CDH23: variants seen among roughly 807,000 people sequenced by gnomAD.
The protein encoded by CDH23 is cadherin related 23.
Under a neutral mutation model 317.1 loss-of-function variants are expected in CDH23, and 189 were observed. The ratio of observed to expected loss-of-function variants is 0.60; its 90% CI spans 0.53 to 0.67. The LOEUF (loss-of-function observed/expected upper bound fraction) is 0.67, where lower values mean the gene tolerates loss of function less well. Ranked by LOEUF, CDH23 falls within the 30% of genes least tolerant of loss-of-function variation. The pLI is 0.00. For missense variants in CDH23, 4,401 were observed against 4,592.4 expected (o/e 0.96, Z 1.20); for synonymous variants, 1,839 against 1,876.8 (o/e 0.98, Z 0.52).
intron 54 of CDH23, 32 bp downstream of exon 54, chr10:71,803,107 C>A (rs1231327795): frequency 2.1e-6 from 3 of 1,461,574 alleles, no homozygotes; most frequent in Non-Finnish European, 2.9e-6. Flanking sequence ...CCCATGATGT[C>A]TTGGGGGGTG....
chr10:71,450,243 A>G (rs1026426955), intron 3 of CDH23, among the ~76,000 whole-genome samples: 2 of 144,238 alleles, frequency 1.4e-5, no homozygotes, highest in East Asian at 4.1e-4. Context: ...GCTGTCTCCC[A>G]CTTAACCTCC....
intron 38 of CDH23, among the ~76,000 whole-genome samples, chr10:71,755,761 G>C (rs1387377942): frequency 6.6e-6 from 1 of 152,156 alleles, no homozygotes; most frequent in Non-Finnish European, 1.5e-5. Flanking sequence ...CAGCCCACAA[G>C]GTACAGCTGG....
rs775888536 is a variant in CDH23, at chr10:71,695,489, G to A, written c.2361G>A (p.Leu787=). The A allele has an allele frequency of 1.2e-6, 2 of 1,613,406 alleles. No individual in the cohort carries two copies. Among genetic ancestry groups the A allele is most frequent in the African/African-American group, 1.3e-5 (1 of 74,924 alleles). ...AGGACGCACCCTACTACATCAACCT[G>A]GTGGAGATGACCCCTCCAGACTCTG... ...TWKDAPYYIN[L]VEMTPPDSDV... The change falls in exon 22 of 70, where the codon CTG becomes CTA. Residue 787 remains leucine, a synonymous_variant. Transcript: ENST00000224721.
At chr10:71,416,404 C>T (rs934321979) in intron 1 of CDH23, among the ~76,000 whole-genome samples, 7 of 152,230 alleles carry the variant, frequency 4.6e-5, no homozygotes, top group African/African-American at 7.2e-5. Flanking sequence ...AACACTTTAA[C>T]TCCACTTACT....
chr10:71,641,865 G>A (rs1862565482), intron 11 of CDH23, among the ~76,000 whole-genome samples: 1 of 152,160 alleles, frequency 6.6e-6, no homozygotes. Context: ...GATCATTTGA[G>A]GTCAGGAGTT....
chr10:71,721,749 A>C (rs563016406), intron 28 of CDH23, among the ~76,000 whole-genome samples: 3 of 151,958 alleles, frequency 2.0e-5, no homozygotes, highest in African/African-American at 7.2e-5. Flanking sequence ...CCATGTCTAT[A>C]CTCCCTGTCC....
intron 8 of CDH23, 99 bp downstream of exon 8, chr10:71,571,017 C>T: frequency 1.5e-6 from 2 of 1,378,544 alleles, no homozygotes; most frequent in South Asian, 1.3e-5. Flanking sequence ...CTGGGCTCCT[C>T]CTTGGCTCCT....
chr10:71,567,017 A>G (rs1433481066), intron 7 of CDH23, 81 bp downstream of exon 7: 6 of 1,287,650 alleles, frequency 4.7e-6, no homozygotes, highest in Non-Finnish European at 5.5e-6. Flanking sequence ...TTCCAATGGG[A>G]CATTGACCCA....
intron 68 of CDH23, among the ~76,000 whole-genome samples, 168 bp downstream of exon 68, chr10:71,813,058 G>A (rs1841996507): frequency 6.6e-6 from 1 of 152,188 alleles, no homozygotes; most frequent in East Asian, 1.9e-4. Flanking sequence ...GGCCTTAAGG[G>A]CAGGGCTCAG....
At chr10:71,739,476 C>T (rs1489169741) in intron 35 of CDH23, among the ~76,000 whole-genome samples, 168 bp from the exon 36 acceptor site, 1 of 152,158 alleles carries the variant, frequency 6.6e-6, no homozygotes, top group Non-Finnish European at 1.5e-5. Context: ...GCCTGCACCC[C>T]CATTTTGAGG....
At chr10:71,600,762 C>T (rs963966365) in intron 9 of CDH23, among the ~76,000 whole-genome samples, 3 of 151,408 alleles carry the variant, frequency 2.0e-5, no homozygotes, top group Admixed American at 6.6e-5. Flanking sequence ...GTGATCCACA[C>T]GCCTCGGCCT....
chr10:71,685,320 A>AT (rs749956086), intron 18 of CDH23, among the ~76,000 whole-genome samples: 29 of 152,082 alleles, frequency 1.9e-4, no homozygotes, highest in Non-Finnish European at 3.4e-4. Context: ...CCCTCATGAG[A>AT]TTTTGAAACC....
intron 1 of CDH23, among the ~76,000 whole-genome samples, chr10:71,403,482 C>CT (rs1187762329): frequency 3.2e-5 from 4 of 125,608 alleles, no homozygotes; most frequent in African/African-American, 1.3e-4. Context: ...TCCTTCCTTC[C>CT]TTCCTTCCTT....
intron 49 of CDH23, 100 bp from the exon 50 acceptor site, chr10:71,798,254 G>A: frequency 2.4e-6 from 2 of 836,670 alleles, no homozygotes; most frequent in Non-Finnish European, 4.0e-6. Flanking sequence ...GGGGCTGTGG[G>A]ATGCTGCCAT....
rs71915165 is a variant in CDH23, at chr10:71,466,893, T to TGC, written c.145+20499_145+20500dup. The stretch of plus-strand genomic sequence containing the variant: ...CATGAGGGGTGTGTGTGTGTGTGTG[T>TGC]GCACGTGCATATATCTGTGGGGTTG... On this transcript the variant is annotated intron_variant, in intron 3 of 69. Coordinates refer to ENST00000224721, the MANE Select transcript of CDH23 (RefSeq NM_022124.6). 5.1e-3 allele frequency among the ~76,000 whole-genome samples: 770 copies of TGC among 152,290 alleles called. 4 individuals are homozygous for TGC. The highest frequency in any genetic ancestry group is 0.018 in the African/African-American group (730 of 41,558).
At chr10:71,776,926 C>T (rs1323894228) in intron 38 of CDH23, among the ~76,000 whole-genome samples, 3 of 152,236 alleles carry the variant, frequency 2.0e-5, no homozygotes, top group Non-Finnish European at 2.9e-5. Flanking sequence ...TGGAGAAAGG[C>T]AGGAAGCAGG....
chr10:71,544,653 G>T (rs1459930557), intron 6 of CDH23, among the ~76,000 whole-genome samples: 2 of 152,152 alleles, frequency 1.3e-5, no homozygotes, highest in African/African-American at 4.8e-5. Context: ...GTTGCCCTGG[G>T]ACACGCTGCA....
chr10:71,608,920 T>C (rs1860688780), intron 9 of CDH23, among the ~76,000 whole-genome samples: 1 of 152,214 alleles, frequency 6.6e-6, no homozygotes, highest in Non-Finnish European at 1.5e-5. Flanking sequence ...GAGGCAGGAC[T>C]CAGGGGCTGT....
intron 6 of CDH23, among the ~76,000 whole-genome samples, chr10:71,565,072 G>A (rs909879803): frequency 5.3e-5 from 8 of 152,170 alleles, no homozygotes; most frequent in South Asian, 4.1e-4. Context: ...GGCAGGAGCC[G>A]TGGGCCCCCA....
Sources: allele counts gnomAD v4.1 joint callset (sites outside exome capture counted in the v4.1 genomes callset), GRCh38; gene constraint gnomAD v4.1.1; transcripts MANE v1.5; gene names NCBI Gene and HGNC (gene_info 2026-07-23, HGNC 2026-07-21).